The following ARHGAP10 variants were observed in gnomAD, a reference collection of about 807,000 sequenced individuals.
The protein encoded by ARHGAP10 is rho GTPase-activating protein 10.
ARHGAP10 carries 87 observed loss-of-function variants against 108.6 expected under a neutral mutation model. The observed-to-expected ratio is 0.80, with a 90% CI of 0.67 to 0.96. The LOEUF (loss-of-function observed/expected upper bound fraction) is 0.96, where lower values mean the gene tolerates loss of function less well. Among genes scored for constraint, ARHGAP10 ranks in the 40% least tolerant of loss-of-function variants. The pLI, the probability that ARHGAP10 is intolerant of heterozygous loss-of-function variation, is 0.00. For synonymous variants in ARHGAP10, 347 were observed against 341.1 expected (o/e 1.02, Z -0.19); for missense variants, 939 against 954.5 (o/e 0.98, Z 0.21).
At position 148,010,997 on chromosome 4, in the gene ARHGAP10, A is replaced by G. The variant is rs1056139763; in HGVS notation, c.1717-12266A>G. Among the ~76,000 whole-genome samples, 6 of 152,336 alleles carry G rather than the reference A, an allele frequency of 3.9e-5. No homozygotes were observed. The South Asian group carries it at 1.0e-3, about 26-fold the overall frequency. The stretch of plus-strand genomic sequence containing the variant: ...TTTCTCAGACTTAGTCTTTCATGAC[A>G]TTGGCACTTCTGAAGTGTACAGGAC... On this transcript the variant is annotated intron_variant, in intron 18 of 22. Transcript: ENST00000336498.
At chr4:147,749,749 C>T (rs954739761) in intron 1 of ARHGAP10, among the ~76,000 whole-genome samples, 8 of 152,268 alleles carry the variant, frequency 5.3e-5, no homozygotes, top group African/African-American at 1.9e-4. Flanking sequence ...CAGTAGGTAG[C>T]TATTTGCACT....
At position 147,855,682 on chromosome 4, in the gene ARHGAP10, G is replaced by GTTTT. The variant is rs566406361; in HGVS notation, c.385-1852_385-1849dup. ...AACTTAGGTTCTATATTGTCAGATGGTTTTTTTTTTTTTTTTTTTTTTAAG... is the reference window on the plus strand; with the variant it reads ...AACTTAGGTTCTATATTGTCAGATGGTTTTTTTTTTTTTTTTTTTTTTTTTTAAG... On this transcript the variant is annotated intron_variant, in intron 4 of 22. Coordinates refer to ENST00000336498, the MANE Select transcript of ARHGAP10 (RefSeq NM_024605.4). 3.1e-4 allele frequency among the ~76,000 whole-genome samples: 39 copies of GTTTT among 124,758 alleles called. No homozygotes were observed. In the South Asian group the frequency reaches 7.7e-3, roughly 25 times the overall value. 81.8% of individuals were successfully genotyped at this position (124,758 alleles called of 152,430 possible).
At chr4:147,937,624 C>T (rs1738007107) in intron 13 of ARHGAP10, among the ~76,000 whole-genome samples, 1 of 152,170 alleles carries the variant, frequency 6.6e-6, no homozygotes, top group Non-Finnish European at 1.5e-5. Context: ...TTCATTGCAG[C>T]CCTACTCACA....
At chr4:147,889,030 A>G (rs968899173) in intron 10 of ARHGAP10, among the ~76,000 whole-genome samples, 1 of 152,216 alleles carries the variant, frequency 6.6e-6, no homozygotes, top group African/African-American at 2.4e-5. Context: ...TTGGTATCAC[A>G]ATACCACATG....
chr4:147,863,493 A>G (rs1376068528), intron 5 of ARHGAP10: 1 of 152,084 alleles, frequency 6.6e-6, no homozygotes, highest in African/African-American at 2.4e-5. Flanking sequence ...TTATTTACTC[A>G]TCCATCCATC....
intron 11 of ARHGAP10, among the ~76,000 whole-genome samples, chr4:147,909,005 T>C (rs1214040922): frequency 6.6e-6 from 1 of 152,150 alleles, no homozygotes; most frequent in Non-Finnish European, 1.5e-5. Context: ...CCCACATGTT[T>C]AGAGCTCACT....
chr4:147,926,760 G>A (rs1199785375), intron 13 of ARHGAP10, among the ~76,000 whole-genome samples: 1 of 152,106 alleles, frequency 6.6e-6, no homozygotes, highest in Non-Finnish European at 1.5e-5. Flanking sequence ...GAAGAAGGAT[G>A]GTTGTAAGGG....
intron 19 of ARHGAP10, among the ~76,000 whole-genome samples, chr4:148,028,178 A>C (rs1011958739): frequency 2.6e-5 from 4 of 152,048 alleles, no homozygotes; most frequent in African/African-American, 9.7e-5. Context: ...TTGGGTGGGA[A>C]AGGGTTTCAG....
rs138298973 is a variant in ARHGAP10 at position 147,738,273 on chromosome 4, T to C, written c.154+5818T>C. Among the ~76,000 whole-genome samples, 1,180 of 152,240 alleles carry C rather than the reference T, an allele frequency of 7.8e-3. 12 individuals carry two copies. The highest frequency in any genetic ancestry group is 0.027 in the African/African-American group (1,123 of 41,534). On this transcript the variant is annotated intron_variant, in intron 1 of 22. Coordinates refer to ENST00000336498, the MANE Select transcript of ARHGAP10 (RefSeq NM_024605.4). ...GTCAGTAAAATAGAAATTGTAGGGC[T>C]GGGCGCGGTGGCTCACGGCTATAAT...
intron 1 of ARHGAP10, among the ~76,000 whole-genome samples, chr4:147,779,976 T>G (rs1160342616): frequency 6.6e-6 from 1 of 152,248 alleles, no homozygotes; most frequent in African/African-American, 2.4e-5. Flanking sequence ...TCACTTTTGC[T>G]CTTCGTACAT....
At chr4:147,745,358 C>G (rs1728866797) in intron 1 of ARHGAP10, 1 of 152,228 alleles carries the variant, frequency 6.6e-6, no homozygotes, top group South Asian at 2.1e-4. Flanking sequence ...CAGGCTTGAC[C>G]CTGCTTAGCA....
intron 10 of ARHGAP10, among the ~76,000 whole-genome samples, chr4:147,903,464 A>G (rs1482631691): frequency 1.3e-5 from 2 of 152,292 alleles, no homozygotes; most frequent in Non-Finnish European, 2.9e-5. Flanking sequence ...TTGACATATC[A>G]TAATCACCCA....
chr4:147,912,924 A>G (rs1012235577), intron 12 of ARHGAP10, 150 bp from the exon 13 acceptor site: 16 of 692,674 alleles, frequency 2.3e-5, no homozygotes, highest in Non-Finnish European at 3.5e-5. Context: ...GTGGGATTAC[A>G]GGTGTGAGCC....
chr4:147,737,116 A>G (rs747804766), intron 1 of ARHGAP10, among the ~76,000 whole-genome samples: 1 of 152,012 alleles, frequency 6.6e-6, no homozygotes. Flanking sequence ...CTGCTACTTA[A>G]TGCCCTAGGT....
chr4:147,869,305 G>T (rs1209876864), intron 7 of ARHGAP10, among the ~76,000 whole-genome samples: 2 of 152,110 alleles, frequency 1.3e-5, no homozygotes, highest in African/African-American at 4.8e-5. Context: ...GAAACTCCTT[G>T]CACGGCTCGT....
At chr4:147,855,682 GTTTTTTT>G (rs566406361) in intron 4 of ARHGAP10, among the ~76,000 whole-genome samples, 1 of 124,780 alleles carries the variant, frequency 8.0e-6, no homozygotes, top group African/African-American at 3.0e-5. Flanking sequence ...TTGTCAGATG[GTTTTTTT>G]TTTTTTTTTT....
chr4:147,906,407 A>G (rs952162605), intron 10 of ARHGAP10, among the ~76,000 whole-genome samples: 1 of 152,248 alleles, frequency 6.6e-6, no homozygotes, highest in Non-Finnish European at 1.5e-5. Flanking sequence ...TCAGTTTTGC[A>G]AGATGAAAAA....
intron 18 of ARHGAP10, among the ~76,000 whole-genome samples, chr4:147,979,068 G>A (rs1437427827): frequency 4.6e-5 from 7 of 152,014 alleles, no homozygotes; most frequent in South Asian, 2.1e-4. Context: ...ATTAAGTCCC[G>A]TTTGTCTGTT....
At chr4:147,835,057 A>G (rs1230074207) in intron 3 of ARHGAP10, among the ~76,000 whole-genome samples, 1 of 152,132 alleles carries the variant, frequency 6.6e-6, no homozygotes, top group Non-Finnish European at 1.5e-5. Flanking sequence ...TTATGTAGAA[A>G]TGCTGTTCTT....
Sources: gnomAD v4.1 joint callset for allele counts (sites outside exome capture counted in the v4.1 genomes callset) on GRCh38, gnomAD v4.1.1 for gene constraint, MANE v1.5 for transcripts, NCBI Gene and HGNC (gene_info 2026-07-23, HGNC 2026-07-21) for gene names.